PEAK1: variants seen among roughly 807,000 people sequenced by gnomAD.
The protein encoded by PEAK1 is inactive tyrosine-protein kinase PEAK1.
In PEAK1, 54 loss-of-function variants were observed where a neutral mutation model predicts 124.7. That is an observed-to-expected ratio of 0.43 (90% CI 0.35 to 0.54). PEAK1 has a LOEUF of 0.54. Ranked by LOEUF, PEAK1 falls within the 20% of genes least tolerant of loss-of-function variation. PEAK1 has a pLI of 0.01. For missense variants in PEAK1, 2,046 were observed against 2,134.5 expected, an observed-to-expected ratio of 0.96 and a Z score of 0.82; for synonymous variants, 719 against 760.0, an observed-to-expected ratio of 0.95 and a Z score of 0.89.
At chr15:77,185,536 T>A (rs1373879476) in intron 6 of PEAK1, among the ~76,000 whole-genome samples, 1 of 152,192 alleles carries the variant, frequency 6.6e-6, no homozygotes, top group African/African-American at 2.4e-5. Flanking sequence ...AATGAGGACT[T>A]ACATACATGC....
chr15:77,291,893 C>G, intron 2 of PEAK1, among the ~76,000 whole-genome samples: 1 of 149,302 alleles, frequency 6.7e-6, no homozygotes, highest in East Asian at 2.0e-4. Context: ...AGGAGAATGG[C>G]GTGAACCCAG....
intron 7 of PEAK1, among the ~76,000 whole-genome samples, chr15:77,176,061 A>G (rs2056845619): frequency 6.6e-6 from 1 of 151,326 alleles, no homozygotes; most frequent in Non-Finnish European, 1.5e-5. Flanking sequence ...ATGAGAACAC[A>G]TGGACACAGG....
chr15:77,250,364 A>C (rs1248383618), intron 6 of PEAK1, among the ~76,000 whole-genome samples: 2 of 150,890 alleles, frequency 1.3e-5, no homozygotes, highest in African/African-American at 4.9e-5. Context: ...CTCCTGCCTC[A>C]GCCTCCTGAG....
At chr15:77,102,439 C>T (rs970991847) in exon 7 of PEAK1, 1 of 152,184 alleles carries the variant, frequency 6.6e-6, no homozygotes, top group Non-Finnish European at 1.5e-5. Flanking sequence ...AGACACCTTC[C>T]ACCGTCTCTT....
chr15:77,241,461 C>T (rs1227746077), intron 6 of PEAK1, among the ~76,000 whole-genome samples: 1 of 151,916 alleles, frequency 6.6e-6, no homozygotes, highest in Non-Finnish European at 1.5e-5. Flanking sequence ...TTCCACGTAT[C>T]CTGAAAGTTT....
chr15:77,254,760 G>C (rs12324366), intron 5 of PEAK1, among the ~76,000 whole-genome samples: 33,889 of 152,040 alleles, frequency 0.22, 4,216 homozygotes, highest in Middle Eastern at 0.3. Flanking sequence ...CATCCTTCTA[G>C]TCAACCACAT....
At chr15:77,375,921 C>T (rs1024457879) in intron 1 of PEAK1, among the ~76,000 whole-genome samples, 3 of 151,946 alleles carry the variant, frequency 2.0e-5, no homozygotes, top group Non-Finnish European at 4.4e-5. Flanking sequence ...ATGGCGGGAA[C>T]CCGGGAGGCG....
intron 1 of PEAK1, among the ~76,000 whole-genome samples, chr15:77,396,696 T>C (rs988546213): frequency 6.6e-6 from 1 of 152,108 alleles, no homozygotes; most frequent in Non-Finnish European, 1.5e-5. Context: ...TAAATAATGA[T>C]GAAGGGGTCA....
At position 77,261,085 on chromosome 15, in the gene PEAK1, T is replaced by A. The variant is rs201708621; in HGVS notation, c.-274-8559A>T. ...TCCTGACTGTTAGAAGGAAAACTAA[T>A]AAACAGAAAGGACATCCACACCAAA... On this transcript the variant is annotated intron_variant, in intron 5 of 9. Coordinates refer to ENST00000682557, the MANE Select transcript of PEAK1 (RefSeq NM_001385026.1). Among the ~76,000 whole-genome samples, 307 of 152,132 alleles carry A rather than the reference T, an allele frequency of 2.0e-3. 3 individuals are homozygous for A. Among genetic ancestry groups the A allele is most frequent in the East Asian group, 2.7e-3 (14 of 5,170 alleles).
At chr15:77,204,817 T>C (rs1316945954) in intron 6 of PEAK1, 2 of 159,176 alleles carry the variant, frequency 1.3e-5, no homozygotes, top group South Asian at 1.8e-4. Flanking sequence ...GGCAGGAGAA[T>C]TGCTTGAACC....
At chr15:77,222,549 G>T (rs1307776956) in intron 6 of PEAK1, among the ~76,000 whole-genome samples, 1 of 151,960 alleles carries the variant, frequency 6.6e-6, no homozygotes, top group African/African-American at 2.4e-5. Flanking sequence ...ACTTGACCAA[G>T]GTCACACAGG....
intron 2 of PEAK1, among the ~76,000 whole-genome samples, chr15:77,324,795 G>A (rs1466112184): frequency 6.6e-6 from 1 of 152,100 alleles, no homozygotes; most frequent in African/African-American, 2.4e-5. Flanking sequence ...CAGTACCAAG[G>A]GGATGGTACT....
At chr15:77,187,009 C>G (rs1316212994) in intron 6 of PEAK1, among the ~76,000 whole-genome samples, 2 of 152,212 alleles carry the variant, frequency 1.3e-5, no homozygotes, top group East Asian at 1.9e-4. Context: ...GAGGCACTTA[C>G]ACAAGGAAAT....
At chr15:77,145,671 G>A (rs114529669) in intron 8 of PEAK1, among the ~76,000 whole-genome samples, 1 of 152,052 alleles carries the variant, frequency 6.6e-6, no homozygotes, top group East Asian at 1.9e-4. Flanking sequence ...AAAAAATCCT[G>A]ATTGTGCCTC....
chr15:77,102,759 T>C (rs1219032866), exon 7 of PEAK1: 5 of 152,232 alleles, frequency 3.3e-5, no homozygotes, highest in African/African-American at 4.8e-5. Flanking sequence ...TGTACCTGTA[T>C]CACACTGTTT....
At chr15:77,362,706 C>T (rs529799636) in intron 2 of PEAK1, among the ~76,000 whole-genome samples, 1 of 151,914 alleles carries the variant, frequency 6.6e-6, no homozygotes, top group South Asian at 2.1e-4. Flanking sequence ...AAAACTTATA[C>T]ACAAATAAGT....
At chr15:77,191,256 TTAAGA>T (rs1176378244) in intron 6 of PEAK1, among the ~76,000 whole-genome samples, 1 of 152,188 alleles carries the variant, frequency 6.6e-6, no homozygotes, top group Non-Finnish European at 1.5e-5. Flanking sequence ...TGAAAATGAA[TTAAGA>T]TAAAATATAT....
chr15:77,151,735 C>A (rs1039756432), intron 8 of PEAK1, among the ~76,000 whole-genome samples: 8 of 152,262 alleles, frequency 5.3e-5, no homozygotes, highest in Admixed American at 2.6e-4. Flanking sequence ...ATATGGCTAG[C>A]CAGTTTTCCC....
intron 2 of PEAK1, among the ~76,000 whole-genome samples, chr15:77,308,788 G>A (rs1176035640): frequency 6.6e-6 from 1 of 151,890 alleles, no homozygotes; most frequent in East Asian, 1.9e-4. Flanking sequence ...GACTTTTCTT[G>A]GTCCTGTACC....
Sources: gnomAD v4.1 joint callset for allele counts (sites outside exome capture counted in the v4.1 genomes callset) on GRCh38, gnomAD v4.1.1 for gene constraint, MANE v1.5 for transcripts, NCBI Gene and HGNC (gene_info 2026-07-23, HGNC 2026-07-21) for gene names.